The following LRP2 variants were observed in gnomAD, a reference collection of about 807,000 sequenced individuals.
LRP2 encodes LDL receptor related protein 2, also known as low-density lipoprotein receptor-related protein 2.
In LRP2, 172 loss-of-function variants were observed where a neutral mutation model predicts 531.0. The ratio of observed to expected loss-of-function variants is 0.32; its 90% CI spans 0.29 to 0.37. The LOEUF is 0.37. LRP2 is among the 10% of genes least tolerant of loss of function. LRP2 has a pLI of 1.00. For missense variants in LRP2, 5,167 were observed against 5,868.3 expected, an observed-to-expected ratio of 0.88 and a Z score of 3.90; for synonymous variants, 1,992 against 2,027.6, an observed-to-expected ratio of 0.98 and a Z score of 0.47.
intron 3 of LRP2, among the ~76,000 whole-genome samples, chr2:169,313,703 T>C (rs1374093948): frequency 6.6e-6 from 1 of 152,156 alleles, no homozygotes; most frequent in East Asian, 1.9e-4. Context: ...TCTCAAACTC[T>C]GTGCTGGGAG....
At chr2:169,145,587 C>T (rs374202623) in intron 70 of LRP2, among the ~76,000 whole-genome samples, 160 bp downstream of exon 70, 16 of 152,288 alleles carry the variant, frequency 1.1e-4, no homozygotes, top group African/African-American at 3.1e-4. Flanking sequence ...ATGGTTAAAA[C>T]GTTCCTCTCC....
intron 62 of LRP2, among the ~76,000 whole-genome samples, chr2:169,164,866 A>T (rs927542069): frequency 6.6e-6 from 1 of 152,120 alleles, no homozygotes; most frequent in Admixed American, 6.5e-5. Context: ...TCCATTTTTT[A>T]AAAAATGGCA....
intron 9 of LRP2, 125 bp downstream of exon 9, chr2:169,288,901 G>T: frequency 6.9e-7 from 1 of 1,446,492 alleles, no homozygotes; most frequent in Non-Finnish European, 9.7e-7. Flanking sequence ...TGAGGTCTGG[G>T]TTGCTCTTTG....
At chr2:169,155,541 T>C (rs1243672515) in intron 65 of LRP2, among the ~76,000 whole-genome samples, 1 of 152,350 alleles carries the variant, frequency 6.6e-6, no homozygotes, top group East Asian at 1.9e-4. Flanking sequence ...AATAAAGTGC[T>C]ATTTTCTTAT....
chr2:169,143,110 C>T (rs1291889023), intron 70 of LRP2, among the ~76,000 whole-genome samples: 2 of 152,180 alleles, frequency 1.3e-5, no homozygotes, highest in African/African-American at 4.8e-5. Context: ...TCAAAATCTA[C>T]TCAGTGCTAA....
At position 169,279,518 on chromosome 2, in the gene LRP2, A is replaced by G. The variant is rs1574214546; in HGVS notation, c.1419T>C (p.Ala473=). ...AGATTTTATTATTAACCCAGTCCAC[A>G]GCCAGGTTCTCTGGGGTTTCAACAG... ...NVSVETPENL[A]VDWVNNKIYL... is the part of the protein sequence containing the mutation. Residue 473 remains alanine (A), a synonymous_variant, in exon 12 of 79, where the codon GCT becomes GCC. Coordinates refer to ENST00000649046, the MANE Select transcript of LRP2 (RefSeq NM_004525.3). 1.9e-6 allele frequency: 3 copies of G among 1,613,810 alleles called. No homozygotes were observed. Among genetic ancestry groups the G allele is most frequent in the Non-Finnish European group, 2.5e-6 (3 of 1,179,812 alleles).
Position 169,173,129 on chromosome 2 carries a change from C to T in LRP2, c.11110G>A (p.Asp3704Asn). The T allele has an allele frequency of 3.1e-6, 5 of 1,613,986 alleles. No homozygotes were observed. Among genetic ancestry groups the T allele is most frequent in the Non-Finnish European group, 4.2e-6 (5 of 1,179,990 alleles). Residue 3704 changes from aspartate (D) to asparagine (N), a missense_variant, in exon 57 of 79, where the codon GAC becomes AAC. By Grantham distance (23) the Asp-to-Asn change is conservative. Around this residue, in one of 6 missense-constraint regions of LRP2, gnomAD observed 311 missense variants for 309.4 expected, o/e 1.01. Coordinates refer to ENST00000649046, the MANE Select transcript of LRP2 (RefSeq NM_004525.3). ...TGCTCATCACTGTTGTCCCTGCAGT[C>T]ATCTACACCATTGCACACGGCCCAC... ...PKWAVCNGVD[D>N]CRDNSDEQGC...
intron 1 of LRP2, among the ~76,000 whole-genome samples, chr2:169,358,663 T>G (rs2105587957): frequency 6.6e-6 from 1 of 152,262 alleles, no homozygotes; most frequent in South Asian, 2.1e-4. Flanking sequence ...TGATACTAAC[T>G]CTTAAAAACA....
At chr2:169,240,614 C>A (rs1292471785) in intron 25 of LRP2, 2 of 408,766 alleles carry the variant, frequency 4.9e-6, no homozygotes, top group African/African-American at 4.0e-5. Context: ...AACACAAATC[C>A]CTGGACTTCA....
At chr2:169,323,319 C>G (rs571201711) in intron 1 of LRP2, among the ~76,000 whole-genome samples, 328 of 152,306 alleles carry the variant, frequency 2.2e-3, no homozygotes, top group Admixed American at 4.1e-3. Flanking sequence ...GGAAATATCT[C>G]TCCAGAAAAA....
chr2:169,172,230 T>G, intron 57 of LRP2, 96 bp from the exon 58 acceptor site: 1 of 1,422,940 alleles, frequency 7.0e-7, no homozygotes, highest in Admixed American at 1.8e-5. Flanking sequence ...AGAATTGTAT[T>G]AGCTCACTCT....
In LRP2 at chr2:169,192,048, C is replaced by T. The variant is rs200910207; in HGVS notation, c.8831-15G>A. 22 of 1,605,156 alleles carry T rather than the reference C, an allele frequency of 1.4e-5. No homozygotes were observed. Among genetic ancestry groups the T allele is most frequent in the East Asian group, 1.1e-4 (5 of 44,726 alleles). On this transcript the variant is annotated splice_polypyrimidine_tract_variant and intron_variant, in intron 47 of 78. Coordinates refer to ENST00000649046, the MANE Select transcript of LRP2 (RefSeq NM_004525.3). Reference sequence around the variant, plus strand: ...GTTTTGATTCTCTGAAACCAAAGCACGCAAGAATCAGAAAGCATGAGAGCT... The same window carrying T: ...GTTTTGATTCTCTGAAACCAAAGCATGCAAGAATCAGAAAGCATGAGAGCT...
At position 169,213,782 on chromosome 2, in the gene LRP2, A is replaced by G. The variant is rs545924738; in HGVS notation, c.5915T>C (p.Phe1972Ser). ...ATACTGTTCATCAGTATAATAAAGGAAAGAATCATGGACTGCAATTCCCCA... is the reference window on the plus strand; with the variant it reads ...ATACTGTTCATCAGTATAATAAAGGGAAGAATCATGGACTGCAATTCCCCA... ...HPWGIAVHDS[F>S]LYYTDEQYEV... Residue 1972 changes from phenylalanine (F) to serine (S), a missense_variant, in exon 36 of 79, where the codon TTC (phenylalanine) becomes TCC (serine). By Grantham distance (155) the Phe-to-Ser change is radical. Coordinates refer to ENST00000649046, the MANE Select transcript of LRP2 (RefSeq NM_004525.3). The G allele has an allele frequency of 6.2e-7, 1 of 1,613,776 alleles. No individual in the cohort carries two copies. Among genetic ancestry groups the G allele is most frequent in the Non-Finnish European group, 8.5e-7 (1 of 1,179,718 alleles).
intron 6 of LRP2, among the ~76,000 whole-genome samples, chr2:169,293,359 G>A (rs1684049582): frequency 6.6e-6 from 1 of 152,200 alleles, no homozygotes; most frequent in Non-Finnish European, 1.5e-5. Flanking sequence ...AGAAGTGGAG[G>A]CAAGAAAGCC....
intron 34 of LRP2, among the ~76,000 whole-genome samples, chr2:169,219,029 CA>C (rs1688893977): frequency 6.6e-6 from 1 of 152,154 alleles, no homozygotes; most frequent in South Asian, 2.1e-4. Flanking sequence ...CACCACCCAA[CA>C]AAGGTACACA....
chr2:169,271,840 A>G (rs78367174), intron 15 of LRP2: 2,770 of 208,424 alleles, frequency 0.013, 82 homozygotes, highest in African/African-American at 0.059. Context: ...AAGGAGTGAA[A>G]GCAGGGAAGG....
In LRP2 at chr2:169,239,649, A is replaced by G; in HGVS notation, c.4172T>C (p.Ile1391Thr). Residue 1391 changes from isoleucine (I) to threonine (T), a missense_variant, in exon 26 of 79, where the codon ATA becomes ACA. Coordinates refer to ENST00000649046, the MANE Select transcript of LRP2 (RefSeq NM_004525.3). ...LANDSKTCED[I>T]DECDILGSCS... The stretch of plus-strand genomic sequence containing the variant: ...AGAGCCTAGAATATCACATTCATCT[A>G]TGTCTTCACAGGTCTTAGAATCATT... 1 of 1,614,084 alleles carries G rather than the reference A, an allele frequency of 6.2e-7. No individual in the cohort carries two copies. The highest frequency in any genetic ancestry group is 8.5e-7 in the Non-Finnish European group (1 of 1,179,926).
intron 77 of LRP2, among the ~76,000 whole-genome samples, chr2:169,129,848 T>G (rs1231493913): frequency 6.6e-6 from 1 of 152,192 alleles, no homozygotes; most frequent in African/African-American, 2.4e-5. Flanking sequence ...TTGCCTGTCA[T>G]GCTGACTGCC....
chr2:169,350,014 G>T lies in LRP2; in HGVS notation c.79+12307C>A, dbSNP rs544928754. On this transcript the variant is annotated intron_variant, in intron 1 of 78. Coordinates refer to ENST00000649046, the MANE Select transcript of LRP2 (RefSeq NM_004525.3). ...AATCAGTATGGAAGCCATTGCAATC[G>T]TCGAGGCAAGAGAGGGCAGTCGGTT... is the stretch of plus-strand genomic sequence containing the variant. Among the ~76,000 whole-genome samples, 22 of 152,298 alleles carry T rather than the reference G, an allele frequency of 1.4e-4. 1 individual carries two copies. The South Asian group carries it at 3.9e-3, about 27-fold the overall frequency.
Sources: allele counts gnomAD v4.1 joint callset (sites outside exome capture counted in the v4.1 genomes callset), GRCh38; gene constraint gnomAD v4.1.1; regional missense constraint gnomAD v4.1.1; transcripts MANE v1.5; gene names NCBI Gene and HGNC (gene_info 2026-07-23, HGNC 2026-07-21).